The following SDK1 variants were observed in gnomAD, a reference collection of about 807,000 sequenced individuals.
The protein encoded by SDK1 is sidekick cell adhesion molecule 1.
Under a neutral mutation model 245.5 loss-of-function variants are expected in SDK1, and 157 were observed. The ratio of observed to expected loss-of-function variants is 0.64; its 90% CI spans 0.56 to 0.73. SDK1 has a LOEUF of 0.73. Ranked by LOEUF, SDK1 falls within the 30% of genes least tolerant of loss-of-function variation. SDK1 has a pLI of 0.00. For synonymous variants in SDK1, 1,647 were observed against 1,278.5 expected, an observed-to-expected ratio of 1.29 and a Z score of -6.15; for missense variants, 3,583 against 3,002.3, an observed-to-expected ratio of 1.19 and a Z score of -4.52.
intron 2 of SDK1, among the ~76,000 whole-genome samples, chr7:3,637,412 A>G (rs946863609): frequency 1.6e-4 from 24 of 152,182 alleles, no homozygotes; most frequent in South Asian, 8.3e-4. Context: ...TGTATTTTGG[A>G]TATTAGCTCT....
chr7:4,268,963 G>A lies in SDK1; in HGVS notation c.*3579G>A, dbSNP rs1312995209. 3 of 282,520 alleles carry A rather than the reference G, an allele frequency of 1.1e-5. No individual in the cohort carries two copies. Among genetic ancestry groups the A allele is most frequent in the African/African-American group, 2.2e-5 (1 of 45,168 alleles). 17.5% of individuals were successfully genotyped at this position (282,520 alleles called of 1,614,324 possible). On this transcript the variant is annotated 3_prime_UTR_variant, in exon 45 of 45. Coordinates refer to ENST00000404826, the MANE Select transcript of SDK1 (RefSeq NM_152744.4). Reference sequence around the variant, plus strand: ...GTAGGAAGACAGAGAGGTGCTATGGGTACAATTTTTAATAAAAACATTATT... The same window carrying A: ...GTAGGAAGACAGAGAGGTGCTATGGATACAATTTTTAATAAAAACATTATT...
intron 38 of SDK1, among the ~76,000 whole-genome samples, chr7:4,215,211 CTG>C (rs1784726701): frequency 6.6e-6 from 1 of 152,220 alleles, no homozygotes; most frequent in Non-Finnish European, 1.5e-5. Context: ...ATCAGACTCA[CTG>C]AGTCAGCTTA....
chr7:3,469,965 T>G (rs999295337), intron 1 of SDK1, among the ~76,000 whole-genome samples: 1 of 152,196 alleles, frequency 6.6e-6, no homozygotes, highest in African/African-American at 2.4e-5. Flanking sequence ...CATGAAGGAA[T>G]ATTTTTTATT....
intron 1 of SDK1, among the ~76,000 whole-genome samples, chr7:3,433,822 G>C (rs1022311754): frequency 2.6e-5 from 4 of 152,142 alleles, no homozygotes; most frequent in African/African-American, 4.8e-5. Context: ...TCACAAGCTT[G>C]ACAACCTTAC....
At chr7:3,507,110 C>A (rs1782419109) in intron 1 of SDK1, among the ~76,000 whole-genome samples, 1 of 152,160 alleles carries the variant, frequency 6.6e-6, no homozygotes. Flanking sequence ...GGTACCTGGT[C>A]TTCTAGGGTG....
intron 14 of SDK1, among the ~76,000 whole-genome samples, chr7:4,005,183 A>G (rs1043651352): frequency 1.3e-5 from 2 of 151,082 alleles, no homozygotes; most frequent in Middle Eastern, 3.4e-3. Flanking sequence ...GTAGCTGGGA[A>G]TACAGGTGCA....
intron 17 of SDK1, among the ~76,000 whole-genome samples, chr7:4,034,120 C>A (rs553697218): frequency 6.6e-6 from 1 of 152,144 alleles, no homozygotes; most frequent in Non-Finnish European, 1.5e-5. Flanking sequence ...CGATGCAAGC[C>A]TGAATCAAGT....
intron 5 of SDK1, among the ~76,000 whole-genome samples, chr7:3,844,629 C>A (rs977206224): frequency 1.3e-5 from 2 of 152,208 alleles, no homozygotes; most frequent in Non-Finnish European, 1.5e-5. Flanking sequence ...GCTTCCCTAA[C>A]TATAATTTCA....
At chr7:3,766,123 C>G (rs563052268) in intron 4 of SDK1, among the ~76,000 whole-genome samples, 34 of 152,258 alleles carry the variant, frequency 2.2e-4, no homozygotes, top group African/African-American at 7.2e-4. Flanking sequence ...TGAGTAGAAA[C>G]TTCATGTTTG....
intron 4 of SDK1, among the ~76,000 whole-genome samples, chr7:3,695,007 C>G (rs549128603): frequency 6.6e-6 from 1 of 152,036 alleles, no homozygotes; most frequent in Non-Finnish European, 1.5e-5. Context: ...AAATGCTTTC[C>G]CAGAAAGCAG....
At chr7:3,443,302 T>G (rs1780251205) in intron 1 of SDK1, among the ~76,000 whole-genome samples, 1 of 152,162 alleles carries the variant, frequency 6.6e-6, no homozygotes, top group Non-Finnish European at 1.5e-5. Flanking sequence ...GTTTGACAAT[T>G]TTAGAATAGG....
chr7:4,216,708 C>T (rs77006168), intron 38 of SDK1, among the ~76,000 whole-genome samples: 13,481 of 152,220 alleles, frequency 0.089, 609 homozygotes, highest in Middle Eastern at 0.13. Context: ...GGTCTTCTGA[C>T]CTCTTTCCAC....
intron 7 of SDK1, among the ~76,000 whole-genome samples, chr7:3,956,217 T>C (rs892817000): frequency 1.3e-5 from 2 of 152,184 alleles, no homozygotes; most frequent in African/African-American, 4.8e-5. Flanking sequence ...TCTTGCCCTC[T>C]GAAGAGTAAG....
At chr7:3,855,129 C>A (rs1308189749) in intron 5 of SDK1, among the ~76,000 whole-genome samples, 1 of 151,868 alleles carries the variant, frequency 6.6e-6, no homozygotes. Flanking sequence ...ACAGAAGAGC[C>A]CTTCACTCCC....
chr7:3,877,330 G>A (rs6462413), intron 5 of SDK1, among the ~76,000 whole-genome samples: 40,035 of 152,096 alleles, frequency 0.26, 6,475 homozygotes, highest in African/African-American at 0.46. Flanking sequence ...AGGATCAACT[G>A]AGGGACCAAC....
intron 35 of SDK1, among the ~76,000 whole-genome samples, chr7:4,182,508 G>A (rs759909501): frequency 1.3e-5 from 2 of 152,186 alleles, no homozygotes; most frequent in Non-Finnish European, 1.5e-5. Context: ...CTGCACCCAG[G>A]GACGTGTCCT....
Position 4,114,120 on chromosome 7 carries a change from A to G in SDK1, c.3669A>G (p.Ser1223=). Residue 1223 remains serine (S), a synonymous_variant, in exon 25 of 45, where the codon TCA becomes TCG. Transcript: ENST00000404826. The part of the protein sequence containing the change: ...IKYWRSDLQS[S]AVAQVVSDRL... ...ACTGGCGCTCAGACCTCCAGTCCTCAGCAGTGGCCCAAGTCGTCAGTGACC... is the reference window on the plus strand; with the variant it reads ...ACTGGCGCTCAGACCTCCAGTCCTCGGCAGTGGCCCAAGTCGTCAGTGACC... 1 of 1,614,248 alleles carries G rather than the reference A, an allele frequency of 6.2e-7. No individual in the cohort carries two copies. The highest frequency in any genetic ancestry group is 8.5e-7 in the Non-Finnish European group (1 of 1,180,046).
At chr7:3,563,308 A>G (rs1430775956) in intron 1 of SDK1, among the ~76,000 whole-genome samples, 1 of 152,246 alleles carries the variant, frequency 6.6e-6, no homozygotes, top group African/African-American at 2.4e-5. Flanking sequence ...TGGATTATCC[A>G]TCGTAAAGAT....
intron 4 of SDK1, among the ~76,000 whole-genome samples, chr7:3,739,072 A>T (rs1410198295): frequency 6.6e-6 from 1 of 152,070 alleles, no homozygotes; most frequent in Non-Finnish European, 1.5e-5. Flanking sequence ...CTGCATAGCT[A>T]ATCCTTGGTT....
Sources: allele counts gnomAD v4.1 joint callset (sites outside exome capture counted in the v4.1 genomes callset), GRCh38; gene constraint gnomAD v4.1.1; transcripts MANE v1.5; gene names NCBI Gene and HGNC (gene_info 2026-07-23, HGNC 2026-07-21).